UNC13B: variants seen among roughly 807,000 people sequenced by gnomAD.
UNC13B encodes unc-13 homolog B, also known as protein unc-13 homolog B.
UNC13B carries 144 observed loss-of-function variants against 211.0 expected under a neutral mutation model. That is an observed-to-expected ratio of 0.68 (90% CI 0.60 to 0.78). The LOEUF (loss-of-function observed/expected upper bound fraction) is 0.78. UNC13B is among the 30% of genes least tolerant of loss of function. The pLI is 0.00. For missense variants in UNC13B, 1,777 were observed against 2,002.0 expected (o/e 0.89, Z 2.14); for synonymous variants, 709 against 725.8 (o/e 0.98, Z 0.37).
At chr9:35,205,892 CTT>C (rs112011217) in intron 1 of UNC13B, among the ~76,000 whole-genome samples, 22,041 of 151,922 alleles carry the variant, frequency 0.15, 1,850 homozygotes, top group Admixed American at 0.25. Flanking sequence ...TTTTTTAAAA[CTT>C]GAGGTGAGGC....
At position 35,399,458 on chromosome 9, in the gene UNC13B, G is replaced by T; in HGVS notation, c.12255+10G>T. 3 of 1,614,134 alleles carry T rather than the reference G, an allele frequency of 1.9e-6. No homozygotes were observed. The highest frequency in any genetic ancestry group is 2.5e-6 in the Non-Finnish European group (3 of 1,180,024). Reference sequence around the variant, plus strand: ...TCTTTCCAAACTCAAGGTACTCTGGGTGTGGGGTCCTCCTGGCAGGTGTGG... The same window carrying T: ...TCTTTCCAAACTCAAGGTACTCTGGTTGTGGGGTCCTCCTGGCAGGTGTGG... On this transcript the variant is annotated intron_variant, in intron 35 of 39. Transcript: ENST00000635942.
At position 35,236,547 on chromosome 9, in the gene UNC13B, T is replaced by A. The variant is rs751210173; in HGVS notation, c.231T>A (p.Thr77=). 6.2e-7 allele frequency: 1 copy of A among 1,614,146 alleles called. No individual in the cohort carries two copies. Among genetic ancestry groups the A allele is most frequent in the South Asian group, 1.1e-5 (1 of 91,074 alleles). ...KGLIWDTMVG[T]VWIALKTIRQ... The stretch of plus-strand genomic sequence containing the variant: ...TGATCTGGGACACCATGGTGGGGAC[T>A]GTGTGGATTGCGCTGAAGACTATTC... The change falls in exon 4 of 40, where the codon ACT becomes ACA. Residue 77 remains threonine, a synonymous_variant. Transcript: ENST00000635942.
intron 11 of UNC13B, among the ~76,000 whole-genome samples, chr9:35,344,110 G>C (rs7022107): frequency 0.029 from 4,467 of 152,116 alleles, 226 homozygotes; most frequent in African/African-American, 0.1. Context: ...TTTCCAACTC[G>C]GGGTAGGGGA....
intron 11 of UNC13B, among the ~76,000 whole-genome samples, chr9:35,327,835 A>G (rs976078369): frequency 1.3e-5 from 2 of 152,152 alleles, no homozygotes; most frequent in African/African-American, 2.4e-5. Context: ...TAGCATCCTG[A>G]TGGTCTCAGT....
chr9:35,162,422 G>C, intron 1 of UNC13B, 117 bp downstream of exon 1: 9 of 1,315,080 alleles, frequency 6.8e-6, no homozygotes, highest in Non-Finnish European at 9.0e-6. Flanking sequence ...GTGCTTTGGG[G>C]GTCTATTATT....
intron 1 of UNC13B, among the ~76,000 whole-genome samples, chr9:35,218,611 C>T (rs1824389119): frequency 6.6e-6 from 1 of 151,978 alleles, no homozygotes; most frequent in Non-Finnish European, 1.5e-5. Context: ...TTCCCAGGCT[C>T]ATCTCAGGCT....
chr9:35,357,481 C>A (rs1049612214), intron 11 of UNC13B, among the ~76,000 whole-genome samples: 1 of 151,226 alleles, frequency 6.6e-6, no homozygotes, highest in Non-Finnish European at 1.5e-5. Context: ...GATATAAGTC[C>A]CTTATCAGAT....
At chr9:35,309,000 C>A (rs770175469) in intron 9 of UNC13B, among the ~76,000 whole-genome samples, 1 of 152,122 alleles carries the variant, frequency 6.6e-6, no homozygotes, top group African/African-American at 2.4e-5. Context: ...ATCATCTCTG[C>A]CTTTTACTAC....
chr9:35,221,822 A>T (rs2131461522), intron 1 of UNC13B, among the ~76,000 whole-genome samples: 1 of 152,286 alleles, frequency 6.6e-6, no homozygotes, highest in South Asian at 2.1e-4. Flanking sequence ...CAAGTTTTGC[A>T]TATTGTGTAC....
intron 11 of UNC13B, among the ~76,000 whole-genome samples, chr9:35,332,232 G>A (rs1027097067): frequency 6.6e-6 from 1 of 152,184 alleles, no homozygotes; most frequent in Non-Finnish European, 1.5e-5. Context: ...TTACAGGCTT[G>A]AGCCACTGCA....
At chr9:35,255,371 G>A (rs957328424) in intron 6 of UNC13B, among the ~76,000 whole-genome samples, 11 of 149,824 alleles carry the variant, frequency 7.3e-5, no homozygotes, top group Non-Finnish European at 1.6e-4. Context: ...ACTGCCCAAC[G>A]GGTTCACCTT....
intron 6 of UNC13B, among the ~76,000 whole-genome samples, chr9:35,253,154 T>C (rs370004178): frequency 2.7e-4 from 41 of 152,278 alleles, no homozygotes; most frequent in African/African-American, 8.9e-4. Flanking sequence ...CAATCATTCT[T>C]TTTTGGAGAC....
At chr9:35,330,083 A>C (rs1460020957) in intron 11 of UNC13B, among the ~76,000 whole-genome samples, 2 of 152,196 alleles carry the variant, frequency 1.3e-5, no homozygotes, top group East Asian at 3.9e-4. Context: ...GTATTAGCTC[A>C]CCCTTAAAAT....
rs777300472 is a variant in UNC13B at position 35,305,380 on chromosome 9, T to C, written c.5976T>C (p.Asn1992=). 6 of 398,886 alleles carry C rather than the reference T, an allele frequency of 1.5e-5. No homozygotes were observed. The Admixed American group carries it at 2.2e-4, about 15-fold the overall frequency. The allele number at this position is 398,886 out of a possible 1,614,324, so 24.7% of individuals were successfully genotyped here. ...WGTLGDFFKA[N]VSPIQTTENT... ...CCCTTGGGGATTTCTTTAAAGCCAA[T>C]GTATCTCCTATACAGACAACTGAAA... Residue 1992 remains asparagine, a synonymous_variant, in exon 9 of 40, where the codon AAT becomes AAC. Coordinates refer to ENST00000635942, the MANE Select transcript of UNC13B (RefSeq NM_001371189.2).
intron 6 of UNC13B, among the ~76,000 whole-genome samples, chr9:35,245,980 G>A (rs1826074127): frequency 6.6e-6 from 1 of 152,168 alleles, no homozygotes; most frequent in Admixed American, 6.5e-5. Flanking sequence ...GTGTAAAAGT[G>A]TTCCTATTTC....
At chr9:35,192,770 A>T (rs1822726746) in intron 1 of UNC13B, among the ~76,000 whole-genome samples, 1 of 152,194 alleles carries the variant, frequency 6.6e-6, no homozygotes, top group Admixed American at 6.5e-5. Context: ...TTTTTCTTTA[A>T]ATTATTAGAG....
intron 11 of UNC13B, among the ~76,000 whole-genome samples, chr9:35,366,521 G>A (rs571265719): frequency 6.6e-6 from 1 of 152,242 alleles, no homozygotes; most frequent in South Asian, 2.1e-4. Context: ...GTCTGACTCT[G>A]GGACATTAAG....
At chr9:35,333,963 TG>T (rs113227854) in intron 11 of UNC13B, among the ~76,000 whole-genome samples, 51,675 of 149,804 alleles carry the variant, frequency 0.34, 9,161 homozygotes, top group African/African-American at 0.44. Context: ...TTTTTTTGTT[TG>T]TTTTTTTTTT....
chr9:35,246,497 G>A (rs1826110724), intron 6 of UNC13B, among the ~76,000 whole-genome samples: 1 of 152,168 alleles, frequency 6.6e-6, no homozygotes, highest in Non-Finnish European at 1.5e-5. Context: ...TAACATTTAA[G>A]TCTTTAATCC....
Sources: allele counts gnomAD v4.1 joint callset (sites outside exome capture counted in the v4.1 genomes callset), GRCh38; gene constraint gnomAD v4.1.1; transcripts MANE v1.5; gene names NCBI Gene and HGNC (gene_info 2026-07-23, HGNC 2026-07-21).